KCNIP4: variants seen among roughly 807,000 people sequenced by gnomAD.
KCNIP4 encodes the protein Kv channel-interacting protein 4.
KCNIP4 carries 12 observed loss-of-function variants against 34.0 expected under a neutral mutation model. The ratio of observed to expected loss-of-function variants is 0.35; its 90% CI spans 0.23 to 0.57. The LOEUF is 0.57. Ranked by LOEUF, KCNIP4 falls within the 20% of genes least tolerant of loss-of-function variation. The pLI is 0.83. For synonymous variants in KCNIP4, 124 were observed against 102.2 expected (o/e 1.21, Z -1.29); for missense variants, 238 against 311.7 (o/e 0.76, Z 1.78).
At chr4:21,704,431 G>A (rs1292442905) in intron 1 of KCNIP4, among the ~76,000 whole-genome samples, 1 of 152,096 alleles carries the variant, frequency 6.6e-6, no homozygotes, top group Non-Finnish European at 1.5e-5. Context: ...ACAACATACA[G>A]AGTGAAAGTG....
At chr4:21,939,938 G>A (rs534731892) in intron 1 of KCNIP4, among the ~76,000 whole-genome samples, 2 of 152,156 alleles carry the variant, frequency 1.3e-5, no homozygotes, top group East Asian at 3.9e-4. Context: ...TATTTAATTT[G>A]AAAATTCCTA....
intron 3 of KCNIP4, among the ~76,000 whole-genome samples, chr4:20,795,368 A>T (rs2149409077): frequency 6.6e-6 from 1 of 152,288 alleles, no homozygotes; most frequent in African/African-American, 2.4e-5. Context: ...AATACATCCG[A>T]AGCCTATAGC....
chr4:20,953,404 G>A lies in KCNIP4; in HGVS notation c.62-70695C>T, dbSNP rs1377772588. ...TTCAATAAATGGACCGGGTGCAGTG[G>A]CTCACACATGTAATCCCAGCACTTT... is the stretch of plus-strand genomic sequence containing the variant. On this transcript the variant is annotated intron_variant, in intron 1 of 8. Coordinates refer to ENST00000382152, the MANE Select transcript of KCNIP4 (RefSeq NM_025221.6). 3.3e-5 allele frequency among the ~76,000 whole-genome samples: 5 copies of A among 152,314 alleles called. No individual in the cohort carries two copies. The East Asian group carries it at 9.7e-4, about 29-fold the overall frequency.
chr4:21,461,609 C>A lies in KCNIP4; in HGVS notation c.61+486962G>T, dbSNP rs1342494534. Among the ~76,000 whole-genome samples the A allele has an allele frequency of 5.3e-5, 8 of 152,022 alleles. No homozygotes were observed. The South Asian group carries it at 1.7e-3, about 31-fold the overall frequency. ...TTAAATTCCAAAGGTAGAAAAAAAT[C>A]TCTTGTAAGTCCAGTCTCTAGACTT... On this transcript the variant is annotated intron_variant, in intron 1 of 8. Transcript: ENST00000382152.
chr4:20,864,121 T>G (rs1389013536), intron 2 of KCNIP4, among the ~76,000 whole-genome samples: 3 of 137,806 alleles, frequency 2.2e-5, no homozygotes, highest in Non-Finnish European at 3.4e-5. Flanking sequence ...TACATATCCA[T>G]GTATACACAT....
Position 21,528,792 on chromosome 4 carries a change from AAAGGAAGAAAGG to A in KCNIP4, c.61+419767_61+419778del, listed in dbSNP as rs1560490361. Among the ~76,000 whole-genome samples, 16 of 20,334 alleles carry A rather than the reference AAAGGAAGAAAGG, an allele frequency of 7.9e-4. 1 individual carries two copies. The highest frequency in any genetic ancestry group is 3.2e-3 in the Admixed American group (7 of 2,182). 13.3% of individuals were successfully genotyped at this position (20,334 alleles called of 152,430 possible). A position where few individuals can be genotyped will look rare whatever the true frequency, so the allele number is the denominator to read the frequency against. Reference sequence around the variant, plus strand: ...GAAAGAAAGAAAGGAAGAAAGGAAGAAAGGAAGAAAGGAAGGAAGGAAGGAAGGAAGGAAGGA... The same window carrying A: ...GAAAGAAAGAAAGGAAGAAAGGAAGAAAGGAAGGAAGGAAGGAAGGAAGGA... On this transcript the variant is annotated intron_variant, in intron 1 of 8. Coordinates refer to ENST00000382152, the MANE Select transcript of KCNIP4 (RefSeq NM_025221.6).
chr4:21,669,302 T>C (rs1749281473), intron 1 of KCNIP4, among the ~76,000 whole-genome samples: 1 of 152,200 alleles, frequency 6.6e-6, no homozygotes, highest in Admixed American at 6.5e-5. Context: ...TCTCACTTTG[T>C]TGCCCAGGCT....
At chr4:21,454,086 T>C (rs73105834) in intron 1 of KCNIP4, among the ~76,000 whole-genome samples, 5,237 of 152,172 alleles carry the variant, frequency 0.034, 117 homozygotes, top group South Asian at 0.043. Context: ...TAGAATACAC[T>C]TTGTCAATAT....
At chr4:20,774,900 G>A (rs1372438007) in intron 3 of KCNIP4, among the ~76,000 whole-genome samples, 1 of 152,118 alleles carries the variant, frequency 6.6e-6, no homozygotes, top group Non-Finnish European at 1.5e-5. Flanking sequence ...TCACAAGATA[G>A]GTATCATATA....
chr4:21,869,672 C>CACTT (rs1323701745), intron 1 of KCNIP4, among the ~76,000 whole-genome samples: 2 of 18,212 alleles, frequency 1.1e-4, no homozygotes, highest in South Asian at 4.3e-3. Context: ...TTAGGGCTTA[C>CACTT]GCTTAATATC....
At chr4:21,149,487 G>A (rs958118659) in intron 1 of KCNIP4, among the ~76,000 whole-genome samples, 1 of 152,282 alleles carries the variant, frequency 6.6e-6, no homozygotes, top group South Asian at 2.1e-4. Context: ...AGCAATGTCT[G>A]CAGAAGTCTA....
intron 1 of KCNIP4, among the ~76,000 whole-genome samples, chr4:21,398,774 C>T (rs1259641614): frequency 6.6e-6 from 1 of 152,190 alleles, no homozygotes; most frequent in East Asian, 1.9e-4. Flanking sequence ...CTTTCTTTCT[C>T]ACTTTTTCTC....
At chr4:21,090,068 C>T (rs565828196) in intron 1 of KCNIP4, among the ~76,000 whole-genome samples, 10 of 152,236 alleles carry the variant, frequency 6.6e-5, no homozygotes, top group South Asian at 2.1e-4. Flanking sequence ...CTTCCCAGAA[C>T]GATGTTCTGT....
chr4:21,027,945 C>A (rs996008844), intron 1 of KCNIP4, among the ~76,000 whole-genome samples: 6 of 152,020 alleles, frequency 3.9e-5, no homozygotes, highest in African/African-American at 1.2e-4. Flanking sequence ...AATTAATTAC[C>A]TTTTCAACAT....
rs755432103 is a variant in KCNIP4 at position 20,850,680 on chromosome 4, A to G, written c.164-13T>C. 6.2e-7 allele frequency: 1 copy of G among 1,610,556 alleles called. No individual in the cohort carries two copies. Among genetic ancestry groups the G allele is most frequent in the Non-Finnish European group, 8.5e-7 (1 of 1,178,942 alleles). On this transcript the variant is annotated splice_polypyrimidine_tract_variant and intron_variant, in intron 2 of 8. Coordinates refer to ENST00000382152, the MANE Select transcript of KCNIP4 (RefSeq NM_025221.6). ...TCTTCCACGCTGTCTGTGGAGGAAAACAAGAAAGAGTCTTAGGACCAGCCA... is the reference window on the plus strand; with the variant it reads ...TCTTCCACGCTGTCTGTGGAGGAAAGCAAGAAAGAGTCTTAGGACCAGCCA...
chr4:21,927,795 G>A (rs1448300644), intron 1 of KCNIP4, among the ~76,000 whole-genome samples: 1 of 152,058 alleles, frequency 6.6e-6, no homozygotes, highest in African/African-American at 2.4e-5. Flanking sequence ...AAAGGCTTTG[G>A]AGTCAGATGG....
intron 3 of KCNIP4, among the ~76,000 whole-genome samples, chr4:20,849,834 C>T (rs1256643061): frequency 2.0e-5 from 3 of 152,158 alleles, no homozygotes; most frequent in Non-Finnish European, 4.4e-5. Flanking sequence ...ACCATAAGCT[C>T]CTTAAGGATA....
intron 1 of KCNIP4, among the ~76,000 whole-genome samples, chr4:21,175,329 G>A (rs1343157088): frequency 1.3e-5 from 2 of 152,148 alleles, no homozygotes; most frequent in African/African-American, 2.4e-5. Flanking sequence ...ACCAACTACA[G>A]TAGTCCTCCC....
intron 1 of KCNIP4, among the ~76,000 whole-genome samples, chr4:21,622,815 A>T (rs566962215): frequency 6.6e-6 from 1 of 152,328 alleles, no homozygotes; most frequent in East Asian, 1.9e-4. Context: ...AAACTTTCTA[A>T]GTAACACCTG....
Sources: allele counts gnomAD v4.1 joint callset (sites outside exome capture counted in the v4.1 genomes callset), GRCh38; gene constraint gnomAD v4.1.1; transcripts MANE v1.5; gene names NCBI Gene and HGNC (gene_info 2026-07-23, HGNC 2026-07-21).